Variants in CLGN observed in about 807,000 individuals in gnomAD.
CLGN encodes the protein calmegin.
CLGN carries 62 observed loss-of-function variants against 79.1 expected under a neutral mutation model. That is an observed-to-expected ratio of 0.78 (90% CI 0.64 to 0.97). The LOEUF (loss-of-function observed/expected upper bound fraction) is 0.97, where lower values mean the gene tolerates loss of function less well. Ranked by LOEUF, CLGN falls within the 50% of genes least tolerant of loss-of-function variation. CLGN has a pLI of 0.00. For synonymous variants in CLGN, 225 were observed against 224.7 expected (o/e 1.00, Z -0.01); for missense variants, 647 against 715.5 (o/e 0.90, Z 1.09).
At chr4:140,427,007 G>A (rs971887945) in intron 1 of CLGN, among the ~76,000 whole-genome samples, 1 of 152,224 alleles carries the variant, frequency 6.6e-6, no homozygotes, top group Non-Finnish European at 1.5e-5. Context: ...TGGAGACTGA[G>A]ACAGCCGAGC....
rs192454444 is a variant in CLGN, at chr4:140,396,750, G to T, written c.885-545C>A. ...TTTTTGTATTTTTAGTAGAGATGGG[G>T]TTTCACTATGTTGGCCAGGTTGGTC... On this transcript the variant is annotated intron_variant, in intron 8 of 14. Coordinates refer to ENST00000325617, the MANE Select transcript of CLGN (RefSeq NM_004362.3). 8.0e-5 allele frequency among the ~76,000 whole-genome samples: 12 copies of T among 150,700 alleles called. No individual in the cohort carries two copies. The East Asian group carries it at 2.3e-3, about 29-fold the overall frequency.
chr4:140,400,992 G>A (rs769694909), intron 6 of CLGN, among the ~76,000 whole-genome samples: 7 of 152,068 alleles, frequency 4.6e-5, no homozygotes, highest in South Asian at 4.1e-4. Flanking sequence ...AAACAGACAC[G>A]AGGACATGAA....
intron 14 of CLGN, among the ~76,000 whole-genome samples, chr4:140,390,037 C>T (rs1020119994): frequency 2.0e-5 from 3 of 151,596 alleles, no homozygotes; most frequent in African/African-American, 7.3e-5. Context: ...AAAGACAGCT[C>T]TGGCTCTAAT....
intron 1 of CLGN, among the ~76,000 whole-genome samples, chr4:140,414,631 G>A (rs547848571): frequency 1.4e-5 from 2 of 145,372 alleles, no homozygotes; most frequent in East Asian, 2.0e-4. Flanking sequence ...GAAATGAAGC[G>A]AGAAGGGAAG....
intron 4 of CLGN, 79 bp from the exon 5 acceptor site, chr4:140,406,162 T>G: frequency 7.2e-7 from 1 of 1,384,784 alleles, no homozygotes; most frequent in Non-Finnish European, 9.9e-7. Flanking sequence ...TTGTGAACAA[T>G]AATTTTTATC....
In CLGN at chr4:140,392,627, T is replaced by C; in HGVS notation, c.1450A>G (p.Ile484Val). Residue 484 changes from isoleucine to valine, a missense_variant, in exon 12 of 15, where the codon ATA (isoleucine) becomes GTA (valine). Transcript: ENST00000325617. ...LIYLVTAGVP[I>V]ALITSFCWPR... ...CAACAAAATGAAGTAATTAATGCTA[T>C]TGGCACTCCTGCTGTCACAAGATAA... 1.2e-6 allele frequency: 2 copies of C among 1,610,146 alleles called. No homozygotes were observed. Among genetic ancestry groups the C allele is most frequent in the Non-Finnish European group, 1.7e-6 (2 of 1,178,672 alleles).
intron 1 of CLGN, among the ~76,000 whole-genome samples, chr4:140,418,895 C>T (rs1486759832): frequency 5.9e-5 from 9 of 152,268 alleles, no homozygotes; most frequent in African/African-American, 9.6e-5. Context: ...TATAAAGACT[C>T]ATGCACACGT....
chr4:140,410,835 C>T (rs1333612954), intron 2 of CLGN, among the ~76,000 whole-genome samples: 1 of 151,802 alleles, frequency 6.6e-6, no homozygotes, highest in Non-Finnish European at 1.5e-5. Flanking sequence ...AAATACTATA[C>T]GTACAAACAG....
intron 1 of CLGN, among the ~76,000 whole-genome samples, chr4:140,416,674 G>C (rs1413626389): frequency 1.3e-3 from 201 of 151,518 alleles, no homozygotes; most frequent in Non-Finnish European, 1.7e-3. Flanking sequence ...TCTGAATAGA[G>C]CAATAACAGG....
intron 5 of CLGN, among the ~76,000 whole-genome samples, chr4:140,404,651 T>C (rs770507774): frequency 1.8e-4 from 27 of 151,300 alleles, no homozygotes; most frequent in Non-Finnish European, 2.2e-4. Flanking sequence ...TCCTCTTTTT[T>C]TTTCTTTCTT....
chr4:140,413,008 T>A lies in CLGN; in HGVS notation c.71A>T (p.Asp24Val), dbSNP rs754152579. 3 of 1,613,376 alleles carry A rather than the reference T, an allele frequency of 1.9e-6. No individual in the cohort carries two copies. Among genetic ancestry groups the A allele is most frequent in the Non-Finnish European group, 2.5e-6 (3 of 1,179,508 alleles). The change falls in exon 2 of 15, where the codon GAT (aspartate) becomes GTT (valine). Residue 24 changes from aspartate (D) to valine (V), a missense_variant. Physicochemically the swap from Asp to Val is radical, Grantham distance 152. Coordinates refer to ENST00000325617, the MANE Select transcript of CLGN (RefSeq NM_004362.3). ...FISINAEFMD[D>V]DVETEDFEEN... ...TTCAAAGTCTTCCGTCTCAACATCA[T>A]CATCCATAAATTCTGCATTAATTGA...
intron 1 of CLGN, among the ~76,000 whole-genome samples, chr4:140,424,718 G>C (rs891552511): frequency 1.3e-5 from 2 of 152,130 alleles, no homozygotes; most frequent in East Asian, 3.9e-4. Flanking sequence ...ACTCCATGAG[G>C]CTTGCTGAGA....
chr4:140,411,849 C>T (rs771973616), intron 2 of CLGN, among the ~76,000 whole-genome samples: 1 of 152,038 alleles, frequency 6.6e-6, no homozygotes, highest in Non-Finnish European at 1.5e-5. Context: ...TGATAGGCCA[C>T]CCCTAAAATC....
At position 140,389,168 on chromosome 4, in the gene CLGN, C is replaced by T; in HGVS notation, c.*56G>A. 1 of 1,402,020 alleles carries T rather than the reference C, an allele frequency of 7.1e-7. No individual in the cohort carries two copies. Among genetic ancestry groups the T allele is most frequent in the Non-Finnish European group, 1.0e-6 (1 of 989,486 alleles). 86.8% of individuals were successfully genotyped at this position (1,402,020 alleles called of 1,614,324 possible). On this transcript the variant is annotated 3_prime_UTR_variant, in exon 15 of 15. Transcript: ENST00000325617. Reference sequence around the variant, plus strand: ...CTGATTAAAGTTCAGGTCTGGCATGCTGATTTTTACAATGCCAAACATCCC... The same window carrying T: ...CTGATTAAAGTTCAGGTCTGGCATGTTGATTTTTACAATGCCAAACATCCC...
At chr4:140,422,590 G>GT (rs1479580446) in intron 1 of CLGN, among the ~76,000 whole-genome samples, 2 of 152,162 alleles carry the variant, frequency 1.3e-5, no homozygotes, top group Non-Finnish European at 2.9e-5. Flanking sequence ...TTGTGTGCTA[G>GT]TTTTTTTACC....
chr4:140,422,978 A>G (rs889149290), intron 1 of CLGN, among the ~76,000 whole-genome samples: 1 of 152,172 alleles, frequency 6.6e-6, no homozygotes, highest in Non-Finnish European at 1.5e-5. Flanking sequence ...GGTTTTGTAC[A>G]TACATATAAG....
At chr4:140,398,547 T>C (rs1043435647) in intron 8 of CLGN, among the ~76,000 whole-genome samples, 1 of 151,904 alleles carries the variant, frequency 6.6e-6, no homozygotes. Flanking sequence ...ACAATAAAGA[T>C]CAAACTAGGA....
rs752606255 is a variant in CLGN, at chr4:140,396,182, A to G, written c.908T>C (p.Ile303Thr). ...EDWDESEPAQ[I>T]EDSSVVKPAG... is the part of the protein sequence containing the mutation. Reference sequence around the variant, plus strand: ...AGGTTTAACAACACTTGAATCTTCTATTTGGGCAGGTTCACTTTCATCCCT... The same window carrying G: ...AGGTTTAACAACACTTGAATCTTCTGTTTGGGCAGGTTCACTTTCATCCCT... Residue 303 changes from isoleucine to threonine, a missense_variant, in exon 9 of 15, where the codon ATA becomes ACA. Ile to Thr is a moderately conservative substitution (Grantham distance 89, BLOSUM62 -1). Coordinates refer to ENST00000325617, the MANE Select transcript of CLGN (RefSeq NM_004362.3). 6 of 1,614,054 alleles carry G rather than the reference A, an allele frequency of 3.7e-6. No homozygotes were observed. The highest frequency in any genetic ancestry group is 5.1e-6 in the Non-Finnish European group (6 of 1,179,934).
At chr4:140,426,913 T>C (rs574526490) in intron 1 of CLGN, 1 of 152,386 alleles carries the variant, frequency 6.6e-6, no homozygotes, top group South Asian at 2.1e-4. Context: ...CGGCGCACAA[T>C]GGGCTCTGCG....
Sources: allele counts gnomAD v4.1 joint callset (sites outside exome capture counted in the v4.1 genomes callset), GRCh38; gene constraint gnomAD v4.1.1; transcripts MANE v1.5; gene names NCBI Gene and HGNC (gene_info 2026-07-23, HGNC 2026-07-21).